SPATA17: variants seen among roughly 807,000 people sequenced by gnomAD.
SPATA17 encodes the protein spermatogenesis-associated protein 17.
In SPATA17, 53 loss-of-function variants were observed where a neutral mutation model predicts 62.2. That is an observed-to-expected ratio of 0.85 (90% CI 0.68 to 1.07). The LOEUF is 1.07. SPATA17 is among the 50% of genes least tolerant of loss of function. SPATA17 has a pLI of 0.00. For synonymous variants in SPATA17, 146 were observed against 146.8 expected (o/e 0.99, Z 0.04); for missense variants, 466 against 425.5 (o/e 1.10, Z -0.84).
chr1:217,764,741 C>A (rs1673255894), intron 6 of SPATA17, among the ~76,000 whole-genome samples: 1 of 152,070 alleles, frequency 6.6e-6, no homozygotes, highest in Non-Finnish European at 1.5e-5. Context: ...TTGGTGGTAT[C>A]CAGTGTTCTG....
At chr1:217,728,153 T>A (rs1433957116) in intron 5 of SPATA17, among the ~76,000 whole-genome samples, 5 of 152,154 alleles carry the variant, frequency 3.3e-5, no homozygotes, top group Non-Finnish European at 7.4e-5. Flanking sequence ...ATTTATTTAG[T>A]TACTACAGAG....
chr1:217,651,047 G>A, intron 2 of SPATA17, 50 bp from the exon 3 acceptor site: 1 of 1,378,828 alleles, frequency 7.3e-7, no homozygotes, highest in Non-Finnish European at 1.0e-6. Context: ...AGATTTAACT[G>A]ACCTTGTTTC....
chr1:217,677,879 C>A (rs1443458503), intron 4 of SPATA17, among the ~76,000 whole-genome samples: 1 of 151,956 alleles, frequency 6.6e-6, no homozygotes, highest in African/African-American at 2.4e-5. Context: ...TTCACATATA[C>A]GTCCTATATG....
intron 8 of SPATA17, among the ~76,000 whole-genome samples, chr1:217,787,081 A>G (rs750125827): frequency 2.0e-5 from 3 of 152,004 alleles, no homozygotes; most frequent in Non-Finnish European, 2.9e-5. Context: ...AGCATCATCC[A>G]TATCCTATGA....
At chr1:217,749,764 G>T in intron 6 of SPATA17, among the ~76,000 whole-genome samples, 1 of 151,214 alleles carries the variant, frequency 6.6e-6, no homozygotes, top group East Asian at 1.9e-4. Flanking sequence ...TTTGCAGTTT[G>T]TAAGCCTCCA....
At chr1:217,801,956 T>C (rs1413871110) in intron 9 of SPATA17, 106 bp downstream of exon 9, 1 of 1,186,526 alleles carries the variant, frequency 8.4e-7, no homozygotes, top group African/African-American at 1.6e-5. Context: ...ACCTTTATGG[T>C]AACAACATTT....
At chr1:217,646,578 C>G (rs1229415701) in intron 1 of SPATA17, among the ~76,000 whole-genome samples, 1 of 151,952 alleles carries the variant, frequency 6.6e-6, no homozygotes, top group Non-Finnish European at 1.5e-5. Flanking sequence ...ACTCTCTTCC[C>G]CTTTAGAAGC....
chr1:217,851,665 C>T (rs1675669003), intron 9 of SPATA17, among the ~76,000 whole-genome samples: 1 of 152,122 alleles, frequency 6.6e-6, no homozygotes, highest in South Asian at 2.1e-4. Context: ...TGCTGTGAGA[C>T]TAATTTCTTG....
intron 9 of SPATA17, among the ~76,000 whole-genome samples, chr1:217,855,582 A>G (rs140336504): frequency 6.6e-6 from 1 of 152,262 alleles, no homozygotes; most frequent in Non-Finnish European, 1.5e-5. Context: ...CCTAATACAT[A>G]TGCCACTGAA....
At chr1:217,854,846 A>C in intron 9 of SPATA17, among the ~76,000 whole-genome samples, 1 of 152,166 alleles carries the variant, frequency 6.6e-6, no homozygotes, top group East Asian at 1.9e-4. Context: ...CAAACTTTTA[A>C]CAAGTTCACG....
chr1:217,857,833 T>A (rs1390887567), intron 9 of SPATA17, among the ~76,000 whole-genome samples: 1 of 152,180 alleles, frequency 6.6e-6, no homozygotes, highest in Non-Finnish European at 1.5e-5. Flanking sequence ...GATTTTGTTT[T>A]GGAGGACATA....
At chr1:217,649,053 C>A in intron 2 of SPATA17, 82 bp downstream of exon 2, 1 of 915,468 alleles carries the variant, frequency 1.1e-6, no homozygotes, top group Non-Finnish European at 1.6e-6. Flanking sequence ...ATGAAGTACT[C>A]ATTTCAAATA....
At chr1:217,784,442 G>A (rs755669062) in intron 8 of SPATA17, among the ~76,000 whole-genome samples, 6 of 152,082 alleles carry the variant, frequency 3.9e-5, no homozygotes, top group Non-Finnish European at 8.8e-5. Context: ...TATGAAAATT[G>A]CAGTGTGTTA....
intron 9 of SPATA17, among the ~76,000 whole-genome samples, chr1:217,830,014 C>G (rs1162554361): frequency 6.6e-6 from 1 of 151,864 alleles, no homozygotes; most frequent in African/African-American, 2.4e-5. Context: ...TATGTATCCC[C>G]TAAACTAATG....
At chr1:217,739,232 G>A (rs1207519403) in intron 5 of SPATA17, among the ~76,000 whole-genome samples, 1 of 152,096 alleles carries the variant, frequency 6.6e-6, no homozygotes, top group Non-Finnish European at 1.5e-5. Flanking sequence ...GTAGAAGACA[G>A]GATTATAAGA....
chr1:217,791,180 A>G (rs1418534297), intron 8 of SPATA17, among the ~76,000 whole-genome samples: 1 of 152,172 alleles, frequency 6.6e-6, no homozygotes, highest in Non-Finnish European at 1.5e-5. Flanking sequence ...AACACAGAAT[A>G]CTCCAAACAA....
At chr1:217,720,697 C>G (rs1046055016) in intron 5 of SPATA17, among the ~76,000 whole-genome samples, 5 of 152,038 alleles carry the variant, frequency 3.3e-5, no homozygotes, top group African/African-American at 1.2e-4. Context: ...TTTACAAAAA[C>G]ATACAGGATT....
rs566293115 is a variant in SPATA17 at position 217,858,799 on chromosome 1, G to A, written c.1006-3975G>A. ...AATCCCAGCACTTTGGGAGGCCAAGGCGGGTGGATCACAAGGTCGGGAGTT... is the reference window on the plus strand; with the variant it reads ...AATCCCAGCACTTTGGGAGGCCAAGACGGGTGGATCACAAGGTCGGGAGTT... On this transcript the variant is annotated intron_variant, in intron 9 of 10. Transcript: ENST00000366933. 2.0e-5 allele frequency among the ~76,000 whole-genome samples: 3 copies of A among 152,228 alleles called. No individual in the cohort carries two copies. The East Asian group carries it at 5.8e-4, about 29-fold the overall frequency.
intron 5 of SPATA17, among the ~76,000 whole-genome samples, chr1:217,725,645 T>C (rs1188249994): frequency 6.6e-6 from 1 of 152,144 alleles, no homozygotes; most frequent in African/African-American, 2.4e-5. Flanking sequence ...GTATTTTTAG[T>C]AGAGACAGAG....
Sources: allele counts gnomAD v4.1 joint callset (sites outside exome capture counted in the v4.1 genomes callset), GRCh38; gene constraint gnomAD v4.1.1; transcripts MANE v1.5; gene names NCBI Gene and HGNC (gene_info 2026-07-23, HGNC 2026-07-21).